DAB1: variants seen among roughly 807,000 people sequenced by gnomAD.
DAB1 encodes disabled homolog 1.
In DAB1, 15 loss-of-function variants were observed where a neutral mutation model predicts 64.6. The observed-to-expected ratio is 0.23, with a 90% CI of 0.16 to 0.36. The LOEUF is 0.36. DAB1 is among the 10% of genes least tolerant of loss of function. The probability of loss-of-function intolerance (pLI) is 1.00; values close to 1 mark genes in which losing one functional copy is unlikely to be tolerated. For synonymous variants in DAB1, 235 were observed against 251.9 expected (o/e 0.93, Z 0.64); for missense variants, 596 against 706.7 (o/e 0.84, Z 1.78).
chr1:58,528,854 TA>T lies in DAB1; in HGVS notation n.33-1520del, dbSNP rs1284509292. 2.6e-5 allele frequency among the ~76,000 whole-genome samples: 4 copies of T among 152,332 alleles called. No individual in the cohort carries two copies. The East Asian group carries it at 7.7e-4, about 29-fold the overall frequency. On this transcript the variant is annotated intron_variant and non_coding_transcript_variant, in intron 1 of 20. Transcript: ENST00000485760. Reference sequence around the variant, plus strand: ...CCAAAATTATTGAGGGGCCTTGATTTAGGAAAAAATAATTCAAATAGAATCA... The same window carrying T: ...CCAAAATTATTGAGGGGCCTTGATTTGGAAAAAATAATTCAAATAGAATCA...
At chr1:58,057,346 A>G (rs1341085934) in intron 5 of DAB1, among the ~76,000 whole-genome samples, 1 of 152,184 alleles carries the variant, frequency 6.6e-6, no homozygotes, top group Non-Finnish European at 1.5e-5. Context: ...AACTCAGAAT[A>G]TAACTTTCTT....
At chr1:58,434,865 C>T (rs1471052106) in intron 3 of DAB1, among the ~76,000 whole-genome samples, 1 of 152,216 alleles carries the variant, frequency 6.6e-6, no homozygotes, top group Non-Finnish European at 1.5e-5. Context: ...ACAGTCTCCA[C>T]AGTCTCCCCA....
At chr1:57,884,440 T>C (rs139673521), upstream of DAB1, among the ~76,000 whole-genome samples, 417 of 152,296 alleles carry the variant, frequency 2.7e-3, 8 homozygotes, top group South Asian at 0.043. Flanking sequence ...TCATTCATCT[T>C]TATTTTAAAA....
At chr1:57,459,368 A>G (rs1296953064) in intron 7 of DAB1, among the ~76,000 whole-genome samples, 1 of 152,142 alleles carries the variant, frequency 6.6e-6, no homozygotes, top group Non-Finnish European at 1.5e-5. Context: ...AGATGTTTGC[A>G]GTTTGTCATG....
rs945569599 is a variant in DAB1, at chr1:58,218,423, C to A, written n.310-67835G>T. Among the ~76,000 whole-genome samples, 3 of 152,160 alleles carry A rather than the reference C, an allele frequency of 2.0e-5. No individual in the cohort carries two copies. In the South Asian group the frequency reaches 6.2e-4, roughly 32 times the overall value. ...GTTAAGAATTTCCAGCTTTGGGGAG[C>A]AGAAAGTTTCTGGGACATTACATCA... On this transcript the variant is annotated intron_variant and non_coding_transcript_variant, in intron 4 of 20. Coordinates refer to the DAB1 transcript ENST00000485760.
chr1:58,427,143 G>C (rs1482667501), intron 3 of DAB1, among the ~76,000 whole-genome samples: 1 of 152,066 alleles, frequency 6.6e-6, no homozygotes, highest in Non-Finnish European at 1.5e-5. Flanking sequence ...GTGGATTGGA[G>C]GCAGGCAGGG....
intron 5 of DAB1, among the ~76,000 whole-genome samples, chr1:58,114,556 G>C (rs1337260176): frequency 6.6e-6 from 1 of 152,212 alleles, no homozygotes; most frequent in African/African-American, 2.4e-5. Flanking sequence ...CTGGCTTCCT[G>C]TAAAGTTTTA....
chr1:57,467,396 A>G (rs1686987635), intron 7 of DAB1, among the ~76,000 whole-genome samples: 2 of 152,200 alleles, frequency 1.3e-5, no homozygotes. Context: ...TCCACAGGCC[A>G]GCAGTATTAT....
intron 7 of DAB1, among the ~76,000 whole-genome samples, chr1:57,558,017 C>T (rs1645010263): frequency 1.5e-5 from 1 of 68,142 alleles, no homozygotes; most frequent in South Asian, 1.2e-3. Flanking sequence ...AGTGGCTGAC[C>T]TGCAACCCAA....
At chr1:57,996,340 C>T (rs1171374792) in intron 5 of DAB1, among the ~76,000 whole-genome samples, 2 of 152,140 alleles carry the variant, frequency 1.3e-5, no homozygotes, top group Non-Finnish European at 2.9e-5. Context: ...TTTTCAAAAA[C>T]TTAGCACTAT....
chr1:57,777,112 T>C (rs1046001192), intron 6 of DAB1, among the ~76,000 whole-genome samples: 4 of 150,450 alleles, frequency 2.7e-5, no homozygotes, highest in African/African-American at 9.7e-5. Context: ...TAAAGCACGT[T>C]AAAGATTTTT....
intron 2 of DAB1, among the ~76,000 whole-genome samples, chr1:57,262,122 CT>C (rs967787362): frequency 1.2e-4 from 19 of 152,178 alleles, no homozygotes; most frequent in African/African-American, 4.3e-4. Context: ...AAGGATGCAG[CT>C]GGCATGGGTT....
chr1:58,048,461 C>T (rs1343044521), intron 5 of DAB1: 12 of 1,158,936 alleles, frequency 1.0e-5, no homozygotes, highest in Middle Eastern at 2.8e-4. Flanking sequence ...ATAGCCACTG[C>T]CCTGGTTTCC....
At chr1:57,262,555 G>A (rs528438350) in intron 2 of DAB1, among the ~76,000 whole-genome samples, 1 of 152,328 alleles carries the variant, frequency 6.6e-6, no homozygotes, top group East Asian at 1.9e-4. Context: ...GCAATTGGCT[G>A]ACAAGTCCCC....
At chr1:57,279,174 C>T (rs549333721) in intron 2 of DAB1, among the ~76,000 whole-genome samples, 8 of 152,068 alleles carry the variant, frequency 5.3e-5, no homozygotes, top group Non-Finnish European at 1.0e-4. Flanking sequence ...TTATATCTTC[C>T]ATATCCATGG....
intron 7 of DAB1, among the ~76,000 whole-genome samples, chr1:57,449,706 A>T (rs1310148689): frequency 6.6e-6 from 1 of 152,094 alleles, no homozygotes; most frequent in African/African-American, 2.4e-5. Context: ...ACCTAATTTC[A>T]TAAGTGACTC....
chr1:57,950,412 C>T (rs907476742), intron 5 of DAB1, among the ~76,000 whole-genome samples: 1 of 152,170 alleles, frequency 6.6e-6, no homozygotes, highest in African/African-American at 2.4e-5. Context: ...CATCATTTCT[C>T]ATCTTTGATC....
At chr1:57,029,371 C>T (rs1646895009) in intron 9 of DAB1, among the ~76,000 whole-genome samples, 1 of 152,166 alleles carries the variant, frequency 6.6e-6, no homozygotes, top group African/African-American at 2.4e-5. Flanking sequence ...AGGACAGGGC[C>T]CTCAGGAAAA....
At chr1:58,325,616 A>G (rs1378873997) in intron 4 of DAB1, among the ~76,000 whole-genome samples, 1 of 152,172 alleles carries the variant, frequency 6.6e-6, no homozygotes, top group Non-Finnish European at 1.5e-5. Context: ...TTAGGGCCTC[A>G]GTTTTCTCAT....
Sources: allele counts gnomAD v4.1 joint callset (sites outside exome capture counted in the v4.1 genomes callset), GRCh38; gene constraint gnomAD v4.1.1; transcripts MANE v1.5; gene names NCBI Gene and HGNC (gene_info 2026-07-23, HGNC 2026-07-21).